RBM28: variants seen among roughly 807,000 people sequenced by gnomAD.
RBM28 encodes RNA binding motif protein 28.
RBM28 carries 78 observed loss-of-function variants against 98.3 expected under a neutral mutation model. That is an observed-to-expected ratio of 0.79 (90% CI 0.66 to 0.96). The LOEUF is 0.96. Among genes scored for constraint, RBM28 ranks in the 40% least tolerant of loss-of-function variants. RBM28 has a pLI of 0.00. For missense variants in RBM28, 838 were observed against 913.0 expected (o/e 0.92, Z 1.06); for synonymous variants, 306 against 330.9 (o/e 0.92, Z 0.82).
intron 1 of RBM28, among the ~76,000 whole-genome samples, chr7:128,343,065 A>G (rs941497637): frequency 6.6e-6 from 1 of 151,790 alleles, no homozygotes; most frequent in Non-Finnish European, 1.5e-5. Context: ...TCTCTTCCCC[A>G]CCTTGAAGAC....
rs199766386 is a variant in RBM28 at position 128,318,074 on chromosome 7, A to G, written c.1596T>C (p.His532=). ...CRVMRDLKGV[H]GNMKGQSLGY... ...CCAGGGACTGACCCTTCATGTTCCC[A>G]TGAACTCCTTTGAGGTCTCGCATCA... is the stretch of plus-strand genomic sequence containing the variant. Residue 532 remains histidine (H), a synonymous_variant, in exon 15 of 19, where the codon CAT becomes CAC. Transcript: ENST00000223073. The G allele has an allele frequency of 1.4e-5, 23 of 1,613,756 alleles. 1 individual carries two copies. Among genetic ancestry groups the G allele is most frequent in the African/African-American group, 1.1e-4 (8 of 75,046 alleles).
At chr7:128,330,667 C>T (rs372547542) in intron 10 of RBM28, 152 bp downstream of exon 10, 55 of 692,122 alleles carry the variant, frequency 7.9e-5, no homozygotes, top group East Asian at 5.7e-4. Context: ...CCAGCGTGCC[C>T]GGCGTCCCTG....
intron 9 of RBM28, 149 bp downstream of exon 9, chr7:128,333,141 A>G (rs1796520041): frequency 1.4e-6 from 1 of 701,868 alleles, no homozygotes; most frequent in South Asian, 1.5e-5. Context: ...ATTGTCCTAC[A>G]TTTCTCATTG....
chr7:128,323,656 T>C (rs1156847112), intron 12 of RBM28, 65 bp from the exon 13 acceptor site: 1 of 1,577,186 alleles, frequency 6.3e-7, no homozygotes, highest in Non-Finnish European at 8.7e-7. Flanking sequence ...ACAAGAGGAA[T>C]GTGATTTGAA....
At chr7:128,313,137 C>A (rs534175614) in intron 18 of RBM28, 38 bp downstream of exon 18, 7 of 1,579,194 alleles carry the variant, frequency 4.4e-6, no homozygotes, top group Non-Finnish European at 6.1e-6. Context: ...CCTGGCAGAA[C>A]CATGCCATAC....
Position 128,308,877 on chromosome 7 carries a change from T to G in RBM28, c.*1920A>C, listed in dbSNP as rs1367236939. 1.4e-5 allele frequency: 2 copies of G among 141,430 alleles called. No homozygotes were observed. Among genetic ancestry groups the G allele is most frequent in the African/African-American group, 5.3e-5 (2 of 37,610 alleles). 8.8% of individuals were successfully genotyped at this position (141,430 alleles called of 1,614,324 possible). On this transcript the variant is annotated 3_prime_UTR_variant, in exon 19 of 19. Transcript: ENST00000223073. ...CTGTAATCCCCGCTACTCGGGAGGC[T>G]GAGGCAGGAGAATCGCTTGAACCCA... is the stretch of plus-strand genomic sequence containing the variant.
chr7:128,333,631 T>C (rs1796534226), intron 8 of RBM28, among the ~76,000 whole-genome samples: 1 of 152,096 alleles, frequency 6.6e-6, no homozygotes, highest in Non-Finnish European at 1.5e-5. Flanking sequence ...GGCAGGAGAA[T>C]CCCTTGAACC....
At chr7:128,325,955 G>C in intron 10 of RBM28, 64 bp from the exon 11 acceptor site, 1 of 1,281,538 alleles carries the variant, frequency 7.8e-7, no homozygotes, top group Non-Finnish European at 1.1e-6. Flanking sequence ...AGACAACATT[G>C]CAAATGGCAA....
At chr7:128,314,464 C>T (rs1796062032) in intron 17 of RBM28, among the ~76,000 whole-genome samples, 1 of 152,236 alleles carries the variant, frequency 6.6e-6, no homozygotes, top group African/African-American at 2.4e-5. Flanking sequence ...ACAGAAACTA[C>T]AACTGAACCT....
intron 12 of RBM28, among the ~76,000 whole-genome samples, chr7:128,324,203 A>G (rs1796297299): frequency 6.6e-6 from 1 of 152,204 alleles, no homozygotes; most frequent in Non-Finnish European, 1.5e-5. Flanking sequence ...CACATTTTAA[A>G]TCCATGAATA....
At chr7:128,320,491 T>C (rs2116339014) in intron 14 of RBM28, among the ~76,000 whole-genome samples, 1 of 152,190 alleles carries the variant, frequency 6.6e-6, no homozygotes, top group Middle Eastern at 3.4e-3. Context: ...AGTTCTGTAC[T>C]CACACAGAGT....
At chr7:128,338,947 T>C (rs1454293494) in intron 3 of RBM28, 146 bp from the exon 4 acceptor site, 6 of 754,054 alleles carry the variant, frequency 8.0e-6, no homozygotes, top group Admixed American at 2.2e-5. Context: ...TGTTTCTAAA[T>C]AGAAGACATT....
Position 128,297,845 on chromosome 7 carries a change from G to A in RBM28, c.*12952C>T, listed in dbSNP as rs939841215. ...AGTTCATGTCCTTTGTAGGGACACGGATGAAATTGAAAATCATCATTCTCA... is the reference window on the plus strand; with the variant it reads ...AGTTCATGTCCTTTGTAGGGACACGAATGAAATTGAAAATCATCATTCTCA... On this transcript the variant is annotated 3_prime_UTR_variant, in exon 19 of 19. Transcript: ENST00000223073. The A allele has an allele frequency of 3.3e-5, 5 of 151,356 alleles. No individual in the cohort carries two copies. Among genetic ancestry groups the A allele is most frequent in the African/African-American group, 1.2e-4 (5 of 41,172 alleles). 9.4% of individuals were successfully genotyped at this position (151,356 alleles called of 1,614,324 possible). A position where few individuals can be genotyped will look rare whatever the true frequency, so the allele number is the denominator to read the frequency against.
At chr7:128,328,971 T>C (rs1796412648) in intron 10 of RBM28, among the ~76,000 whole-genome samples, 1 of 151,552 alleles carries the variant, frequency 6.6e-6, no homozygotes, top group Non-Finnish European at 1.5e-5. Flanking sequence ...TTTAAAGAGA[T>C]GGAGGCGGTC....
rs1420218244 is a variant in RBM28 at position 128,314,975 on chromosome 7, G to A, written c.1834C>T (p.Gln612Ter). The stretch of plus-strand genomic sequence containing the variant: ...TGCTGGTCTTTTGCAGGCTCTGGTT[G>A]CCCCTTCTGAGGCTCACCAGTTGCA... The part of the protein sequence containing the change: ...KPATGEPQKG[Q>*]PEPAKDQQQK... The change falls in exon 17 of 19, where the codon CAA becomes TAA. Residue 612 changes from glutamine (Q) to a stop codon, truncating the protein, a stop_gained. Coordinates refer to ENST00000223073, the MANE Select transcript of RBM28 (RefSeq NM_018077.3). LOFTEE classifies it high-confidence loss of function. 8 of 1,614,044 alleles carry A rather than the reference G, an allele frequency of 5.0e-6. No homozygotes were observed. The highest frequency in any genetic ancestry group is 5.9e-6 in the Non-Finnish European group (7 of 1,180,028).
rs1397439187 is a variant in RBM28 at position 128,320,335 on chromosome 7, G to A, written c.1563+931C>T. Among the ~76,000 whole-genome samples, 13 of 149,426 alleles carry A rather than the reference G, an allele frequency of 8.7e-5. No homozygotes were observed. In the East Asian group the frequency reaches 2.0e-3, roughly 23 times the overall value. ...AGGATTGCTTGAGCTTGGGGGGGGG[G>A]GGGGTGGCGGTTTGCAGTGACCCGA... On this transcript the variant is annotated intron_variant, in intron 14 of 18. Transcript: ENST00000223073.
At chr7:128,319,244 A>T (rs1201664687) in intron 14 of RBM28, among the ~76,000 whole-genome samples, 1 of 152,240 alleles carries the variant, frequency 6.6e-6, no homozygotes, top group Non-Finnish European at 1.5e-5. Context: ...GAAGCATATA[A>T]TGAAGATCCT....
chr7:128,338,302 GT>G lies in RBM28; in HGVS notation c.488del (p.Asn163ThrfsTer3). On this transcript the variant is annotated frameshift_variant, in exon 5 of 19. Transcript: ENST00000223073. LOFTEE classifies it high-confidence loss of function. Reference sequence around the variant, plus strand: ...TGAGAGCTTTACCTGCTTCTAGGAGGTTTTTGAACTGAACAAAACCAAAACC... The same window carrying G: ...TGAGAGCTTTACCTGCTTCTAGGAGGTTTTGAACTGAACAAAACCAAAACC... ...MRGFGFVQFKNLLEAGKALKG... is the reference protein window; with the variant it reads ...MRGFGFVQFKXLLEAGKALKG... The G allele has an allele frequency of 6.2e-7, 1 of 1,614,168 alleles. No homozygotes were observed. The highest frequency in any genetic ancestry group is 8.5e-7 in the Non-Finnish European group (1 of 1,180,016).
chr7:128,310,381 C>T lies in RBM28; in HGVS notation c.*416G>A, dbSNP rs1298544852. On this transcript the variant is annotated 3_prime_UTR_variant, in exon 19 of 19. Coordinates refer to ENST00000223073, the MANE Select transcript of RBM28 (RefSeq NM_018077.3). ...GTTCATACATAATAAAGGAGTCACACATATTAGAAATGACGTTGTTACTAA... is the reference window on the plus strand; with the variant it reads ...GTTCATACATAATAAAGGAGTCACATATATTAGAAATGACGTTGTTACTAA... The T allele has an allele frequency of 3.7e-6, 1 of 273,828 alleles. No homozygotes were observed. Among genetic ancestry groups the T allele is most frequent in the African/African-American group, 2.2e-5 (1 of 44,658 alleles). The allele number at this position is 273,828 out of a possible 1,614,324, so 17.0% of individuals were successfully genotyped here.
Sources: allele counts gnomAD v4.1 joint callset (sites outside exome capture counted in the v4.1 genomes callset), GRCh38; gene constraint gnomAD v4.1.1; transcripts MANE v1.5; gene names NCBI Gene and HGNC (gene_info 2026-07-23, HGNC 2026-07-21).